Variants in LIMS1 observed in about 807,000 individuals in gnomAD.
LIMS1 encodes the protein LIM and senescent cell antigen-like-containing domain protein 1.
In LIMS1, 18 loss-of-function variants were observed where a neutral mutation model predicts 44.1. That is an observed-to-expected ratio of 0.41 (90% CI 0.28 to 0.61). The LOEUF (loss-of-function observed/expected upper bound fraction) is 0.61. Ranked by LOEUF, LIMS1 falls within the 20% of genes least tolerant of loss-of-function variation. The pLI is 0.32. For synonymous variants in LIMS1, 93 were observed against 149.1 expected, an observed-to-expected ratio of 0.62 and a Z score of 2.74; for missense variants, 201 against 422.0, an observed-to-expected ratio of 0.48 and a Z score of 4.59.
At chr2:108,634,749 C>G (rs1008393874) in intron 1 of LIMS1, among the ~76,000 whole-genome samples, 1 of 152,178 alleles carries the variant, frequency 6.6e-6, no homozygotes, top group African/African-American at 2.4e-5. Context: ...CAGGAATGAC[C>G]ATGACAGGAA....
At chr2:108,563,605 G>T (rs1414707002) in intron 1 of LIMS1, among the ~76,000 whole-genome samples, 1 of 152,148 alleles carries the variant, frequency 6.6e-6, no homozygotes, top group African/African-American at 2.4e-5. Flanking sequence ...AACAGATGAG[G>T]GGTTGCTTCT....
chr2:108,614,102 C>T (rs561950652), intron 1 of LIMS1, among the ~76,000 whole-genome samples: 107 of 152,270 alleles, frequency 7.0e-4, no homozygotes, highest in Middle Eastern at 3.4e-3. Flanking sequence ...ACACCAGGCA[C>T]CCTTCTGTGT....
At chr2:108,650,413 C>CTTTT (rs113015874) in intron 1 of LIMS1, among the ~76,000 whole-genome samples, 17 of 145,184 alleles carry the variant, frequency 1.2e-4, no homozygotes, top group East Asian at 4.1e-4. Flanking sequence ...CTTTTCTTTT[C>CTTTT]TTTTTTTTTT....
Position 108,680,562 on chromosome 2 carries a change from AAAG to A in LIMS1, c.824-132_824-130del, listed in dbSNP as rs878973653. The A allele has an allele frequency of 0.036, 18,451 of 509,476 alleles. 484 individuals carry two copies. In the East Asian group the frequency reaches 0.39, roughly 11 times the overall value. 31.6% of individuals were successfully genotyped at this position (509,476 alleles called of 1,614,324 possible). On this transcript the variant is annotated intron_variant, in intron 8 of 9. Coordinates refer to ENST00000544547, the Ensembl canonical transcript of LIMS1. ...ATTTAAAAAAAAAAAAAAAAAAAAA[AAAG>A]GTTCTTGAGAACCTCCACCAAGTGC...
intron 1 of LIMS1, among the ~76,000 whole-genome samples, chr2:108,637,343 A>G (rs376932577): frequency 6.6e-6 from 1 of 152,096 alleles, no homozygotes; most frequent in African/African-American, 2.4e-5. Context: ...TGAAATTCTC[A>G]TGGTTTTCTT....
At chr2:108,652,299 C>T (rs867212016) in intron 1 of LIMS1, among the ~76,000 whole-genome samples, 407 of 142,480 alleles carry the variant, frequency 2.9e-3, no homozygotes, top group South Asian at 0.02. Flanking sequence ...TACTTAAATG[C>T]CCTTCAGCGG....
chr2:108,619,528 T>A (rs1688122909), intron 1 of LIMS1, among the ~76,000 whole-genome samples: 1 of 151,664 alleles, frequency 6.6e-6, no homozygotes, highest in African/African-American at 2.4e-5. Context: ...TACTAAAAAT[T>A]CAAAAATTAG....
In LIMS1 at chr2:108,623,972, C is replaced by T. The variant is rs1310932435; in HGVS notation, c.33-35633C>T. Among the ~76,000 whole-genome samples, 7 of 152,336 alleles carry T rather than the reference C, an allele frequency of 4.6e-5. 1 individual carries two copies. The South Asian group carries it at 1.5e-3, about 32-fold the overall frequency. ...GCGTCAAACTTGAAATTGTTCAAAA[C>T]CGAAGCAGGTAAAAGGTGGCATGAC... On this transcript the variant is annotated intron_variant, in intron 1 of 9. Transcript: ENST00000544547.
At chr2:108,666,408 C>T (rs1392257587) in intron 2 of LIMS1, among the ~76,000 whole-genome samples, 4 of 135,494 alleles carry the variant, frequency 3.0e-5, no homozygotes, top group South Asian at 5.3e-4. Context: ...GTCTCCATCT[C>T]GTGGACTCAG....
chr2:108,674,472 C>G (rs1156525794), intron 5 of LIMS1, among the ~76,000 whole-genome samples: 1 of 151,804 alleles, frequency 6.6e-6, no homozygotes, highest in Non-Finnish European at 1.5e-5. Context: ...CCTGTAATCC[C>G]AGCACTTTGG....
chr2:108,634,376 G>A (rs933373752), intron 1 of LIMS1, among the ~76,000 whole-genome samples: 5 of 152,202 alleles, frequency 3.3e-5, no homozygotes, highest in Non-Finnish European at 7.3e-5. Flanking sequence ...AAATAATGAG[G>A]TAATATGTCA....
intron 1 of LIMS1, among the ~76,000 whole-genome samples, chr2:108,575,080 G>C (rs995398000): frequency 1.3e-5 from 2 of 152,116 alleles, no homozygotes; most frequent in Non-Finnish European, 2.9e-5. Flanking sequence ...AGTATTACCT[G>C]CTGTTTCTCA....
At chr2:108,635,299 G>C (rs1380402471) in intron 1 of LIMS1, among the ~76,000 whole-genome samples, 1 of 151,866 alleles carries the variant, frequency 6.6e-6, no homozygotes, top group East Asian at 1.9e-4. Context: ...GTGGTGGCAG[G>C]TGCCTGTAAT....
At chr2:108,678,705 T>G (rs61518817) in intron 8 of LIMS1, 1 of 152,218 alleles carries the variant, frequency 6.6e-6, no homozygotes, top group African/African-American at 2.4e-5. Context: ...CTCCCTCCTC[T>G]GTGAAATAGA....
chr2:108,658,722 G>A (rs1438502240), intron 1 of LIMS1, among the ~76,000 whole-genome samples: 1 of 152,294 alleles, frequency 6.6e-6, no homozygotes, highest in Non-Finnish European at 1.5e-5. Context: ...CTACCGATGG[G>A]GGAATTTCCC....
At chr2:108,545,837 T>C (rs1390390735) in intron 1 of LIMS1, among the ~76,000 whole-genome samples, 2 of 152,206 alleles carry the variant, frequency 1.3e-5, no homozygotes, top group African/African-American at 4.8e-5. Context: ...ACAGGCTGGT[T>C]TGGCCTCTGG....
At chr2:108,534,445 C>T (rs1573277928) in exon 1 of LIMS1, 6 of 816,398 alleles carry the variant, frequency 7.3e-6, no homozygotes, top group East Asian at 9.9e-5. Context: ...CCTGGCCTTC[C>T]TCCCCTTCCT....
Position 108,616,215 on chromosome 2 carries a change from T to TC in LIMS1, c.33-43390_33-43389insC, listed in dbSNP as rs1396003507. 3.6e-3 allele frequency among the ~76,000 whole-genome samples: 532 copies of TC among 146,044 alleles called. 1 individual carries two copies. The highest frequency in any genetic ancestry group is 5.5e-3 in the Non-Finnish European group (365 of 66,378). On this transcript the variant is annotated intron_variant, in intron 1 of 9. Transcript: ENST00000544547. Reference sequence around the variant, plus strand: ...GCATGGGCTTTTTTTTTTTTTTTTTTTTTTTTGGATATAGGGGTCTTACTC... The same window carrying TC: ...GCATGGGCTTTTTTTTTTTTTTTTTTCTTTTTTGGATATAGGGGTCTTACTC...
chr2:108,540,826 G>A (rs1288478649), intron 1 of LIMS1, among the ~76,000 whole-genome samples: 1 of 152,210 alleles, frequency 6.6e-6, no homozygotes, highest in African/African-American at 2.4e-5. Flanking sequence ...AGATGTGGTT[G>A]TATTGTGGGG....
Sources: gnomAD v4.1 joint callset for allele counts (sites outside exome capture counted in the v4.1 genomes callset) on GRCh38, gnomAD v4.1.1 for gene constraint, MANE v1.5 for transcripts, NCBI Gene and HGNC (gene_info 2026-07-23, HGNC 2026-07-21) for gene names.